Variants in ARB2A observed in about 807,000 individuals in gnomAD.
ARB2A encodes the protein cotranscriptional regulator ARB2A.
the ARB2A span, among the ~76,000 whole-genome samples, chr5:93,679,133 T>G: frequency 6.6e-6 from 1 of 152,210 alleles, no homozygotes; most frequent in Non-Finnish European, 1.5e-5. Flanking sequence ...GATATGAAAT[T>G]CAACATCTAC....
At chr5:93,959,954 T>C in the ARB2A span, among the ~76,000 whole-genome samples, 1 of 151,970 alleles carries the variant, frequency 6.6e-6, no homozygotes, top group Non-Finnish European at 1.5e-5. Flanking sequence ...AAGTTGACAT[T>C]CTGGTGGCTG....
chr5:93,755,957 T>C, the ARB2A span, among the ~76,000 whole-genome samples: 5 of 152,178 alleles, frequency 3.3e-5, no homozygotes. Context: ...CTTTTGCAGC[T>C]GGGAGGCGAG....
the ARB2A span, among the ~76,000 whole-genome samples, chr5:93,987,309 A>T: frequency 6.6e-6 from 1 of 152,144 alleles, no homozygotes; most frequent in African/African-American, 2.4e-5. Flanking sequence ...AGAAACATAA[A>T]AGTTCTTAAT....
At chr5:93,741,643 C>T in the ARB2A span, 2 of 1,424,454 alleles carry the variant, frequency 1.4e-6, no homozygotes, top group South Asian at 3.0e-5. Context: ...CCCCCTCAAG[C>T]CCCGCCCCCC....
chr5:93,942,980 C>A, the ARB2A span, among the ~76,000 whole-genome samples: 3 of 151,976 alleles, frequency 2.0e-5, no homozygotes, highest in African/African-American at 7.2e-5. Context: ...TTAATAACTA[C>A]ATAGTCTTCC....
chr5:93,956,833 A>G, the ARB2A span, among the ~76,000 whole-genome samples: 57 of 152,326 alleles, frequency 3.7e-4, no homozygotes, highest in Admixed American at 5.9e-4. Flanking sequence ...GTAAAGTCAA[A>G]GTAGTAAAAT....
the ARB2A span, chr5:93,805,338 C>T: frequency 1.0e-6 from 1 of 985,004 alleles, no homozygotes; most frequent in African/African-American, 1.7e-5. Flanking sequence ...CAAAGGATTT[C>T]ACTGAACAAG....
chr5:93,750,296 G>A, the ARB2A span, among the ~76,000 whole-genome samples: 1 of 152,054 alleles, frequency 6.6e-6, no homozygotes, highest in Non-Finnish European at 1.5e-5. Flanking sequence ...TGCTACTTAT[G>A]CTGATTTGTA....
the ARB2A span, among the ~76,000 whole-genome samples, chr5:93,681,218 C>T: frequency 6.6e-6 from 1 of 152,096 alleles, no homozygotes; most frequent in Non-Finnish European, 1.5e-5. Flanking sequence ...AACACGAGCT[C>T]CAGACTGTTG....
the ARB2A span, among the ~76,000 whole-genome samples, chr5:93,955,727 C>G: frequency 4.6e-5 from 7 of 152,124 alleles, no homozygotes; most frequent in African/African-American, 1.7e-4. Context: ...TAGCTAGAGC[C>G]TGAGAAATAT....
At chr5:93,793,236 CTAAT>C in the ARB2A span, among the ~76,000 whole-genome samples, 8 of 42,358 alleles carry the variant, frequency 1.9e-4, no homozygotes, top group African/African-American at 4.7e-4. Flanking sequence ...ACACTTCTGG[CTAAT>C]TTTTTTTTTT....
the ARB2A span, chr5:93,618,272 G>A: frequency 2.6e-5 from 4 of 151,958 alleles, no homozygotes; most frequent in Admixed American, 1.3e-4. Flanking sequence ...ATTTAACGAC[G>A]GGATGGCTAG....
the ARB2A span, among the ~76,000 whole-genome samples, chr5:93,845,358 A>G: frequency 6.6e-6 from 1 of 152,182 alleles, no homozygotes; most frequent in Non-Finnish European, 1.5e-5. Context: ...TGGAGCCATT[A>G]TTCTCCCTAC....
the ARB2A span, among the ~76,000 whole-genome samples, chr5:93,640,725 G>T: frequency 6.6e-6 from 1 of 151,788 alleles, no homozygotes; most frequent in South Asian, 2.1e-4. Flanking sequence ...TAGTGCTCAA[G>T]AAATTAAGTT....
chr5:93,911,628 C>CCA, the ARB2A span, among the ~76,000 whole-genome samples: 1,403 of 148,742 alleles, frequency 9.4e-3, 26 homozygotes, highest in East Asian at 0.039. Flanking sequence ...GCATTAGTCA[C>CCA]CACACACACA....
the ARB2A span, among the ~76,000 whole-genome samples, chr5:93,918,691 G>A: frequency 6.6e-6 from 1 of 151,984 alleles, no homozygotes; most frequent in Admixed American, 6.6e-5. Context: ...CAAAATGCTG[G>A]GATTACAGGC....
At chr5:94,013,180 T>G in the ARB2A span, among the ~76,000 whole-genome samples, 62 of 149,778 alleles carry the variant, frequency 4.1e-4, no homozygotes, top group East Asian at 1.7e-3. Flanking sequence ...GTTGTTTTTT[T>G]TTTTTTTTTT....
the ARB2A span, among the ~76,000 whole-genome samples, chr5:94,082,477 G>C: frequency 1.1e-4 from 17 of 152,260 alleles, no homozygotes; most frequent in African/African-American, 4.1e-4. Context: ...ATTAAGCCTA[G>C]TAAGCCATAT....
At chr5:93,830,481 C>T in the ARB2A span, among the ~76,000 whole-genome samples, 1 of 151,526 alleles carries the variant, frequency 6.6e-6, no homozygotes, top group Non-Finnish European at 1.5e-5. Flanking sequence ...ACTTCAGAAG[C>T]AGTAGTGTGT....
Sources: allele counts gnomAD v4.1 joint callset (sites outside exome capture counted in the v4.1 genomes callset), GRCh38; gene constraint gnomAD v4.1.1; transcripts MANE v1.5; gene names NCBI Gene and HGNC (gene_info 2026-07-23, HGNC 2026-07-21).